Variants in HNRNPC observed in about 807,000 individuals in gnomAD.
HNRNPC encodes the protein heterogeneous nuclear ribonucleoprotein C.
HNRNPC carries 3 observed loss-of-function variants against 33.2 expected under a neutral mutation model. The ratio of observed to expected loss-of-function variants is 0.09; its 90% CI spans 0.04 to 0.23. The LOEUF (loss-of-function observed/expected upper bound fraction) is 0.23. Among genes scored for constraint, HNRNPC ranks in the 10% least tolerant of loss-of-function variants. The pLI is 1.00. For synonymous variants in HNRNPC, 121 were observed against 126.7 expected (o/e 0.96, Z 0.30); for missense variants, 143 against 366.7 (o/e 0.39, Z 4.98).
chr14:21,264,634 T>C (rs1320081680), intron 1 of HNRNPC: 1 of 152,224 alleles, frequency 6.6e-6, no homozygotes, highest in Non-Finnish European at 1.5e-5. Flanking sequence ...AAATAGGAAC[T>C]GCAATTAGAC....
At chr14:21,267,072 G>A (rs866116899) in intron 1 of HNRNPC, among the ~76,000 whole-genome samples, 43 of 96,926 alleles carry the variant, frequency 4.4e-4, no homozygotes, top group Middle Eastern at 0.013. Flanking sequence ...TCCAGCCTAG[G>A]GCGACAGAGC....
intron 5 of HNRNPC, among the ~76,000 whole-genome samples, chr14:21,221,520 T>C (rs1243287005): frequency 6.6e-6 from 1 of 152,200 alleles, no homozygotes; most frequent in Non-Finnish European, 1.5e-5. Context: ...TACTGTCTAT[T>C]ACAAAACCCA....
At chr14:21,225,565 C>T (rs1209956161) in intron 5 of HNRNPC, among the ~76,000 whole-genome samples, 5 of 152,068 alleles carry the variant, frequency 3.3e-5, no homozygotes, top group African/African-American at 1.2e-4. Flanking sequence ...AGGTGTCCAT[C>T]CTCAGGCGTA....
rs1254182170 is a variant in HNRNPC at position 21,209,420 on chromosome 14, T to C, written c.*1803A>G. 2 of 152,198 alleles carry C rather than the reference T, an allele frequency of 1.3e-5. No individual in the cohort carries two copies. The highest frequency in any genetic ancestry group is 2.9e-5 in the Non-Finnish European group (2 of 68,028). The allele number at this position is 152,198 out of a possible 1,614,324, so 9.4% of individuals were successfully genotyped here. On this transcript the variant is annotated 3_prime_UTR_variant, in exon 9 of 9. Coordinates refer to ENST00000553300, the MANE Select transcript of HNRNPC (RefSeq NM_004500.4). Reference sequence around the variant, plus strand: ...AGGTTTTATTAGCATCTTATACATCTGACACTCTCTCCTAAGCATCCAGTT... The same window carrying C: ...AGGTTTTATTAGCATCTTATACATCCGACACTCTCTCCTAAGCATCCAGTT...
At chr14:21,223,904 C>T (rs1474707625) in intron 5 of HNRNPC, among the ~76,000 whole-genome samples, 2 of 152,036 alleles carry the variant, frequency 1.3e-5, no homozygotes. Context: ...TGAGCAAATC[C>T]AAAACTTCCA....
At chr14:21,237,451 GA>G (rs1894825052) in intron 2 of HNRNPC, among the ~76,000 whole-genome samples, 1 of 152,138 alleles carries the variant, frequency 6.6e-6, no homozygotes, top group Non-Finnish European at 1.5e-5. Context: ...GATACTCTCA[GA>G]ACAATTCCAC....
At chr14:21,258,215 A>T (rs1253977681) in intron 2 of HNRNPC, among the ~76,000 whole-genome samples, 1 of 151,928 alleles carries the variant, frequency 6.6e-6, no homozygotes, top group Non-Finnish European at 1.5e-5. Flanking sequence ...ACATGGTGAA[A>T]CCCCATCTCT....
intron 5 of HNRNPC, among the ~76,000 whole-genome samples, chr14:21,217,525 GA>G (rs1892323213): frequency 6.6e-6 from 1 of 152,148 alleles, no homozygotes; most frequent in African/African-American, 2.4e-5. Flanking sequence ...GGAAAAAATG[GA>G]AATAGATTAT....
chr14:21,254,383 T>C (rs141523198), intron 2 of HNRNPC, among the ~76,000 whole-genome samples: 1 of 152,288 alleles, frequency 6.6e-6, no homozygotes, highest in African/African-American at 2.4e-5. Flanking sequence ...AAATTATTAC[T>C]TAAATATATA....
intron 1 of HNRNPC, among the ~76,000 whole-genome samples, chr14:21,267,830 C>T (rs894210130): frequency 6.6e-6 from 1 of 152,194 alleles, no homozygotes; most frequent in Non-Finnish European, 1.5e-5. Context: ...TCTGACATTT[C>T]TCCTTGCCAA....
At chr14:21,254,192 G>A (rs1876718404) in intron 2 of HNRNPC, among the ~76,000 whole-genome samples, 1 of 151,870 alleles carries the variant, frequency 6.6e-6, no homozygotes, top group African/African-American at 2.4e-5. Context: ...AGTTTTGACT[G>A]TCCAAAGCTT....
At position 21,248,312 on chromosome 14, in the gene HNRNPC, G is replaced by T. The variant is rs894771524; in HGVS notation, c.-36-14083C>A. Among the ~76,000 whole-genome samples, 7 of 152,202 alleles carry T rather than the reference G, an allele frequency of 4.6e-5. No individual in the cohort carries two copies. In the East Asian group the frequency reaches 1.2e-3, roughly 25 times the overall value. On this transcript the variant is annotated intron_variant, in intron 2 of 8. Coordinates refer to ENST00000553300, the MANE Select transcript of HNRNPC (RefSeq NM_004500.4). ...TCCCCATCTCAGCCTCCAAAATTTG[G>T]GATTACAGGCGTGAGCCCCTGCAAC...
In HNRNPC at chr14:21,211,933, A is replaced by G; in HGVS notation, c.524-10T>C. On this transcript the variant is annotated splice_polypyrimidine_tract_variant and intron_variant, in intron 6 of 8. Transcript: ENST00000553300. ...AGGTCATCTCCTTTCACTTTAATAT[A>G]AACAAAATACTAGATTAAAATCAAA... The G allele has an allele frequency of 6.3e-7, 1 of 1,581,084 alleles. No individual in the cohort carries two copies. Among genetic ancestry groups the G allele is most frequent in the East Asian group, 2.2e-5 (1 of 44,722 alleles).
intron 2 of HNRNPC, among the ~76,000 whole-genome samples, chr14:21,259,995 C>T (rs530984929): frequency 3.3e-5 from 5 of 149,836 alleles, no homozygotes; most frequent in Admixed American, 2.0e-4. Context: ...GTCAGGAGAT[C>T]GAGACCATCC....
At chr14:21,243,564 T>C (rs1353847179) in intron 2 of HNRNPC, among the ~76,000 whole-genome samples, 1 of 152,250 alleles carries the variant, frequency 6.6e-6, no homozygotes, top group African/African-American at 2.4e-5. Flanking sequence ...TCTGCTTATG[T>C]AACAATGATC....
intron 2 of HNRNPC, among the ~76,000 whole-genome samples, chr14:21,237,799 G>A (rs760291127): frequency 8.6e-5 from 13 of 151,862 alleles, no homozygotes; most frequent in Non-Finnish European, 1.3e-4. Context: ...TTGAGTTGGA[G>A]TTTCACTCGT....
In HNRNPC at chr14:21,217,841, A is replaced by G. The variant is rs547532741; in HGVS notation, c.366-4724T>C. The stretch of plus-strand genomic sequence containing the variant: ...TTAATGAAATGTTGCATATTAAGGG[A>G]AAAAGTGGTGTGTCTTGATGGTTTC... On this transcript the variant is annotated intron_variant, in intron 5 of 8. Coordinates refer to ENST00000553300, the MANE Select transcript of HNRNPC (RefSeq NM_004500.4). Among the ~76,000 whole-genome samples the G allele has an allele frequency of 2.0e-5, 3 of 152,332 alleles. No individual in the cohort carries two copies. The East Asian group carries it at 5.8e-4, about 29-fold the overall frequency.
At chr14:21,254,033 A>G (rs551135853) in intron 2 of HNRNPC, among the ~76,000 whole-genome samples, 3 of 150,258 alleles carry the variant, frequency 2.0e-5, no homozygotes, top group South Asian at 4.2e-4. Context: ...ACTGCACTCC[A>G]GCCTGGGCTA....
At chr14:21,247,972 T>C (rs1896187442) in intron 2 of HNRNPC, among the ~76,000 whole-genome samples, 1 of 150,916 alleles carries the variant, frequency 6.6e-6, no homozygotes, top group Admixed American at 6.6e-5. Context: ...GCCTCGGCGA[T>C]GCAGTAAGAT....
Sources: gnomAD v4.1 joint callset for allele counts (sites outside exome capture counted in the v4.1 genomes callset) on GRCh38, gnomAD v4.1.1 for gene constraint, MANE v1.5 for transcripts, NCBI Gene and HGNC (gene_info 2026-07-23, HGNC 2026-07-21) for gene names.